The following MUSK variants were observed in gnomAD, a reference collection of about 807,000 sequenced individuals.
The protein encoded by MUSK is muscle, skeletal receptor tyrosine-protein kinase.
MUSK carries 55 observed loss-of-function variants against 88.7 expected under a neutral mutation model. The observed-to-expected ratio is 0.62, with a 90% confidence interval of 0.50 to 0.78. MUSK has a LOEUF of 0.78. MUSK is among the 30% of genes least tolerant of loss of function. MUSK has a pLI of 0.00. For missense variants in MUSK, 1,015 were observed against 1,074.3 expected (o/e 0.94, Z 0.77); for synonymous variants, 387 against 391.9 (o/e 0.99, Z 0.15).
intron 3 of MUSK, among the ~76,000 whole-genome samples, chr9:110,688,730 C>T (rs1044017360): frequency 2.6e-5 from 4 of 151,712 alleles, no homozygotes; most frequent in African/African-American, 9.7e-5. Flanking sequence ...TTATCTGTTC[C>T]TGCATTAGTT....
intron 6 of MUSK, among the ~76,000 whole-genome samples, chr9:110,746,384 G>C (rs1201895626): frequency 2.6e-5 from 4 of 152,148 alleles, no homozygotes; most frequent in African/African-American, 9.7e-5. Flanking sequence ...GATTTGTTAA[G>C]GTAGTTGTTA....
intron 5 of MUSK, 130 bp downstream of exon 5, chr9:110,697,596 C>A (rs1587920638): frequency 2.1e-6 from 2 of 945,854 alleles, no homozygotes; most frequent in African/African-American, 1.7e-5. Flanking sequence ...AGATATTAGG[C>A]CATAAGTTCA....
At chr9:110,781,430 C>T (rs1317102979) in intron 11 of MUSK, among the ~76,000 whole-genome samples, 2 of 152,128 alleles carry the variant, frequency 1.3e-5, no homozygotes, top group African/African-American at 2.4e-5. Flanking sequence ...GCGCCCACCA[C>T]CATGCCCAGC....
At chr9:110,748,661 A>G (rs372289542) in intron 7 of MUSK, among the ~76,000 whole-genome samples, 3 of 152,102 alleles carry the variant, frequency 2.0e-5, no homozygotes, top group East Asian at 3.9e-4. Context: ...ATGTAAGGCA[A>G]GCACGGATAG....
At chr9:110,707,625 G>A (rs2076615719) in intron 5 of MUSK, among the ~76,000 whole-genome samples, 1 of 152,188 alleles carries the variant, frequency 6.6e-6, no homozygotes, top group Non-Finnish European at 1.5e-5. Context: ...TTGGGCAGAA[G>A]CTGGAATCAA....
chr9:110,688,215 C>T (rs1438724586), intron 3 of MUSK, among the ~76,000 whole-genome samples: 1 of 152,064 alleles, frequency 6.6e-6, no homozygotes, highest in African/African-American at 2.4e-5. Context: ...TTATTAAAAA[C>T]TTTGATTCCA....
intron 14 of MUSK, among the ~76,000 whole-genome samples, chr9:110,788,835 C>T (rs1454510270): frequency 1.3e-5 from 2 of 151,918 alleles, no homozygotes; most frequent in Admixed American, 1.3e-4. Flanking sequence ...TATATAAAGA[C>T]CTGGCAGAGG....
intron 4 of MUSK, among the ~76,000 whole-genome samples, chr9:110,696,602 T>A (rs911821651): frequency 6.6e-6 from 1 of 152,124 alleles, no homozygotes; most frequent in Admixed American, 6.6e-5. Flanking sequence ...TTTCCTACAA[T>A]GACAAACAAG....
chr9:110,785,736 A>G lies in MUSK; in HGVS notation c.1778+18A>G. The G allele has an allele frequency of 6.3e-7, 1 of 1,575,878 alleles. No homozygotes were observed. The highest frequency in any genetic ancestry group is 1.2e-5 in the South Asian group (1 of 83,748). The stretch of plus-strand genomic sequence containing the variant: ...CAAGCAAGGTAAAGTTACCTATGGA[A>G]AAAAAAACTCCATTGAAATATGTTA... On this transcript the variant is annotated intron_variant, in intron 13 of 14. Transcript: ENST00000374448.
At chr9:110,731,758 G>A (rs2076966764) in intron 5 of MUSK, among the ~76,000 whole-genome samples, 1 of 152,072 alleles carries the variant, frequency 6.6e-6, no homozygotes, top group Non-Finnish European at 1.5e-5. Context: ...GGAGGGCAGA[G>A]TATTACATTA....
chr9:110,712,077 G>T (rs571412020), intron 5 of MUSK, among the ~76,000 whole-genome samples: 47 of 151,582 alleles, frequency 3.1e-4, no homozygotes, highest in African/African-American at 1.1e-3. Flanking sequence ...CTGTCCTTGG[G>T]ATTCTCTTTT....
At chr9:110,785,183 G>A (rs1055188850) in intron 12 of MUSK, among the ~76,000 whole-genome samples, 167 bp downstream of exon 12, 1 of 152,160 alleles carries the variant, frequency 6.6e-6, no homozygotes, top group Non-Finnish European at 1.5e-5. Context: ...AAATGTCAAT[G>A]ACTTTTTGGC....
chr9:110,767,869 G>T lies in MUSK; in HGVS notation c.970G>T (p.Val324Leu), dbSNP rs775131984. 1.2e-6 allele frequency: 2 copies of T among 1,613,938 alleles called. No individual in the cohort carries two copies. Among genetic ancestry groups the T allele is most frequent in the East Asian group, 2.2e-5 (1 of 44,888 alleles). ...KGYCAQYRGE[V>L]CNAVLAKDAL... ...CTACTGCGCCCAGTACAGAGGGGAGGTGTGTAATGCAGTCCTGGCAAAAGA... is the reference window on the plus strand; with the variant it reads ...CTACTGCGCCCAGTACAGAGGGGAGTTGTGTAATGCAGTCCTGGCAAAAGA... Residue 324 changes from valine to leucine, a missense_variant, in exon 9 of 15, where the codon GTG becomes TTG. Val to Leu is a conservative substitution (Grantham distance 32). Coordinates refer to ENST00000374448, the MANE Select transcript of MUSK (RefSeq NM_005592.4).
At chr9:110,729,612 C>T (rs527847757) in intron 5 of MUSK, among the ~76,000 whole-genome samples, 1 of 151,894 alleles carries the variant, frequency 6.6e-6, no homozygotes, top group Non-Finnish European at 1.5e-5. Context: ...TTACCTGGTC[C>T]TATGTGAATT....
At chr9:110,707,822 G>T (rs771839454) in intron 5 of MUSK, among the ~76,000 whole-genome samples, 2 of 152,146 alleles carry the variant, frequency 1.3e-5, no homozygotes, top group Non-Finnish European at 2.9e-5. Flanking sequence ...TTGAAAAGCA[G>T]CCTCTTGTCA....
chr9:110,778,294 G>A (rs562465250), intron 11 of MUSK, among the ~76,000 whole-genome samples: 1 of 152,122 alleles, frequency 6.6e-6, no homozygotes, highest in East Asian at 1.9e-4. Context: ...TACATTATTT[G>A]TAAGCAAGGA....
intron 14 of MUSK, among the ~76,000 whole-genome samples, chr9:110,799,728 G>A (rs1374540979): frequency 1.3e-5 from 2 of 152,082 alleles, no homozygotes; most frequent in South Asian, 2.1e-4. Flanking sequence ...AAAACGTTGG[G>A]GAGAAACCTC....
intron 6 of MUSK, 150 bp downstream of exon 6, chr9:110,734,525 C>T (rs2077004421): frequency 9.8e-7 from 1 of 1,024,722 alleles, no homozygotes; most frequent in South Asian, 1.9e-5. Context: ...GTCCTAGAAG[C>T]CATTGCCATA....
intron 12 of MUSK, among the ~76,000 whole-genome samples, 168 bp from the exon 13 acceptor site, chr9:110,785,359 T>G (rs2077837865): frequency 6.6e-6 from 1 of 152,234 alleles, no homozygotes; most frequent in Non-Finnish European, 1.5e-5. Flanking sequence ...CTTTTGACTC[T>G]AGACCAAACA....
Sources: gnomAD v4.1 joint callset for allele counts (sites outside exome capture counted in the v4.1 genomes callset) on GRCh38, gnomAD v4.1.1 for gene constraint, MANE v1.5 for transcripts, NCBI Gene and HGNC (gene_info 2026-07-23, HGNC 2026-07-21) for gene names.